The following FOXJ3 variants were observed in gnomAD, a reference collection of about 807,000 sequenced individuals.
FOXJ3 encodes the protein forkhead box protein J3.
In FOXJ3, 22 loss-of-function variants were observed where a neutral mutation model predicts 76.1. The observed-to-expected ratio is 0.29, with a 90% CI of 0.21 to 0.41. The LOEUF is 0.41. Ranked by LOEUF, FOXJ3 falls within the 10% of genes least tolerant of loss-of-function variation. The probability of loss-of-function intolerance (pLI) is 1.00; values close to 1 mark genes in which losing one functional copy is unlikely to be tolerated. For missense variants in FOXJ3, 613 were observed against 762.1 expected, an observed-to-expected ratio of 0.80 and a Z score of 2.30; for synonymous variants, 269 against 261.2, an observed-to-expected ratio of 1.03 and a Z score of -0.29.
intron 4 of FOXJ3, among the ~76,000 whole-genome samples, chr1:42,230,532 G>A (rs766906294): frequency 6.6e-6 from 1 of 152,236 alleles, no homozygotes; most frequent in South Asian, 2.1e-4. Context: ...ATAGTTTGAA[G>A]GTAATTTTTT....
intron 1 of FOXJ3, among the ~76,000 whole-genome samples, chr1:42,325,621 A>G (rs889272419): frequency 6.6e-6 from 1 of 152,204 alleles, no homozygotes; most frequent in Non-Finnish European, 1.5e-5. Flanking sequence ...AGAAGCACTA[A>G]CAATTTGGTT....
rs1646485264 is a variant in FOXJ3, at chr1:42,188,729, C to G, written c.1645+8G>C. 6.4e-7 allele frequency: 1 copy of G among 1,550,596 alleles called. No homozygotes were observed. The highest frequency in any genetic ancestry group is 2.3e-5 in the East Asian group (1 of 42,768). On this transcript the variant is annotated splice_region_variant and intron_variant, in intron 11 of 12. Transcript: ENST00000361346. ...TGAGAAAAATCAAGAAGATAACTAA[C>G]CCCATACCTGTTCCAATGTGTTGGG...
At chr1:42,264,167 GC>G (rs1473888949) in intron 4 of FOXJ3, among the ~76,000 whole-genome samples, 2 of 151,984 alleles carry the variant, frequency 1.3e-5, no homozygotes, top group Non-Finnish European at 2.9e-5. Flanking sequence ...AAGATAAGAA[GC>G]AGTCTAGACA....
intron 4 of FOXJ3, among the ~76,000 whole-genome samples, chr1:42,256,294 C>T (rs1650579450): frequency 6.6e-6 from 1 of 152,096 alleles, no homozygotes; most frequent in Non-Finnish European, 1.5e-5. Flanking sequence ...AAAAGGCAAA[C>T]CATAGTCTAA....
chr1:42,278,497 G>A lies in FOXJ3; in HGVS notation c.220C>T (p.His74Tyr), dbSNP rs531199939. The change falls in exon 3 of 13, where the codon CAC (histidine) becomes TAC (tyrosine). Residue 74 changes from histidine to tyrosine, a missense_variant. Around this residue, in one of 3 missense-constraint regions of FOXJ3, gnomAD observed 77 missense variants for 115.1 expected, o/e 0.67. Transcript: ENST00000361346. ...CTGTATGGAGGTTTCCCATCTTTGT[G>A]CTGTTGGACTTCTTCCTGGTCCAGA... ...TTLDQEEVQQ[H>Y]KDGKPPYSYA... 7 of 1,614,130 alleles carry A rather than the reference G, an allele frequency of 4.3e-6. No homozygotes were observed. In the Admixed American group the frequency reaches 1.0e-4, roughly 23 times the overall value.
chr1:42,278,930 A>G (rs1652491282), intron 2 of FOXJ3, among the ~76,000 whole-genome samples: 1 of 152,210 alleles, frequency 6.6e-6, no homozygotes, highest in South Asian at 2.1e-4. Flanking sequence ...AGACAAACAA[A>G]GTGGTTCCGA....
Position 42,179,743 on chromosome 1 carries a change from G to T in FOXJ3, c.1836C>A (p.Ile612=), listed in dbSNP as rs372812462. The stretch of plus-strand genomic sequence containing the variant: ...TTGAATCCCAATCAAAGTCATCCTG[G>T]ATGTCATCTGGAGGCAGGGAACGCC... ...QMRRSLPPDD[I]QDDFDWDSIV is the part of the protein sequence containing the mutation. Residue 612 remains isoleucine (I), a synonymous_variant, in exon 13 of 13, where the codon ATC becomes ATA. Transcript: ENST00000361346. 3 of 1,613,446 alleles carry T rather than the reference G, an allele frequency of 1.9e-6. No individual in the cohort carries two copies. The African/African-American group carries it at 4.0e-5, about 22-fold the overall frequency.
intron 11 of FOXJ3, among the ~76,000 whole-genome samples, chr1:42,187,419 C>A (rs543278463): frequency 1.3e-5 from 2 of 152,216 alleles, no homozygotes; most frequent in East Asian, 3.9e-4. Context: ...GGACAAAAAA[C>A]AGAGAGAGGT....
At chr1:42,230,417 T>C (rs2124469348) in intron 4 of FOXJ3, among the ~76,000 whole-genome samples, 1 of 152,334 alleles carries the variant, frequency 6.6e-6, no homozygotes, top group Admixed American at 6.5e-5. Flanking sequence ...TATCAGATTT[T>C]TTCAGATTTT....
chr1:42,322,578 T>C (rs190073073), intron 1 of FOXJ3, among the ~76,000 whole-genome samples: 22 of 152,236 alleles, frequency 1.4e-4, no homozygotes. Context: ...TGGATTAAAG[T>C]TGTTTGGTGT....
intron 2 of FOXJ3, among the ~76,000 whole-genome samples, chr1:42,286,037 TG>T (rs1298474238): frequency 1.3e-5 from 2 of 152,142 alleles, no homozygotes; most frequent in African/African-American, 4.8e-5. Flanking sequence ...CCTTGAGGAA[TG>T]GGCAAATGAG....
intron 11 of FOXJ3, among the ~76,000 whole-genome samples, chr1:42,182,752 C>A (rs943029766): frequency 6.6e-6 from 1 of 152,092 alleles, no homozygotes; most frequent in Non-Finnish European, 1.5e-5. Context: ...CCTGTCTCAG[C>A]CTCCCAAAGT....
At chr1:42,289,696 C>A (rs1006865501) in intron 2 of FOXJ3, among the ~76,000 whole-genome samples, 1 of 152,122 alleles carries the variant, frequency 6.6e-6, no homozygotes, top group African/African-American at 2.4e-5. Flanking sequence ...TTCTCTGATA[C>A]GCAATCTGAC....
At chr1:42,284,451 G>A (rs984066853) in intron 2 of FOXJ3, among the ~76,000 whole-genome samples, 2 of 152,208 alleles carry the variant, frequency 1.3e-5, no homozygotes, top group Non-Finnish European at 2.9e-5. Context: ...TTTGATTAGA[G>A]TTACAAGAAG....
At chr1:42,230,470 C>A (rs760973821) in intron 4 of FOXJ3, among the ~76,000 whole-genome samples, 2 of 152,080 alleles carry the variant, frequency 1.3e-5, no homozygotes, top group Non-Finnish European at 2.9e-5. Context: ...GTGGATGGGA[C>A]CCAAGTCTAA....
At chr1:42,182,891 C>T (rs552695543) in intron 11 of FOXJ3, among the ~76,000 whole-genome samples, 2 of 151,978 alleles carry the variant, frequency 1.3e-5, no homozygotes, top group Non-Finnish European at 2.9e-5. Flanking sequence ...CCATGTGTGC[C>T]CCTGTTAATT....
chr1:42,317,714 G>C (rs1471595716), intron 1 of FOXJ3, among the ~76,000 whole-genome samples: 1 of 151,952 alleles, frequency 6.6e-6, no homozygotes, highest in African/African-American at 2.4e-5. Flanking sequence ...AGCATGGATA[G>C]GGGTTAAGAA....
intron 2 of FOXJ3, among the ~76,000 whole-genome samples, chr1:42,299,615 T>C: frequency 6.6e-6 from 1 of 151,818 alleles, no homozygotes; most frequent in African/African-American, 2.4e-5. Context: ...TCAAGGTTAA[T>C]ATTGATATGT....
chr1:42,191,497 C>G lies in FOXJ3; in HGVS notation c.1157G>C (p.Arg386Pro), dbSNP rs1250563515. 1.9e-6 allele frequency: 3 copies of G among 1,613,612 alleles called. No homozygotes were observed. The highest frequency in any genetic ancestry group is 2.5e-6 in the Non-Finnish European group (3 of 1,179,878). ...CGGATGCTGCGGTAAACCATGCGGT[C>G]GATGGGGAGGATGTGGAGATGGCTG... is the stretch of plus-strand genomic sequence containing the variant. Reference protein sequence around the residue: ...HTQPSPHPPHRPHGLPQHPQR... With the variant: ...HTQPSPHPPHPPHGLPQHPQR... The change falls in exon 9 of 13, where the codon CGA becomes CCA. Residue 386 changes from arginine (R) to proline (P), a missense_variant. Transcript: ENST00000361346.
Sources: allele counts gnomAD v4.1 joint callset (sites outside exome capture counted in the v4.1 genomes callset), GRCh38; gene constraint gnomAD v4.1.1; regional missense constraint gnomAD v4.1.1; transcripts MANE v1.5; gene names NCBI Gene and HGNC (gene_info 2026-07-23, HGNC 2026-07-21).